The following AMBRA1 variants were observed in gnomAD, a reference collection of about 807,000 sequenced individuals.
AMBRA1 encodes activating molecule in BECN1-regulated autophagy protein 1.
A neutral mutation model predicts 125.4 loss-of-function variants in AMBRA1; 47 were observed. The ratio of observed to expected loss-of-function variants is 0.37; its 90% CI spans 0.30 to 0.48. The LOEUF (loss-of-function observed/expected upper bound fraction) is 0.48. Among genes scored for constraint, AMBRA1 ranks in the 20% least tolerant of loss-of-function variants. The pLI, the probability that AMBRA1 is intolerant of heterozygous loss-of-function variation, is 0.99. For missense variants in AMBRA1, 1,331 were observed against 1,693.4 expected, an observed-to-expected ratio of 0.79 and a Z score of 3.76; for synonymous variants, 626 against 655.5, an observed-to-expected ratio of 0.95 and a Z score of 0.69.
intron 1 of AMBRA1, among the ~76,000 whole-genome samples, chr11:46,549,453 G>A (rs1188534885): frequency 6.6e-6 from 1 of 152,120 alleles, no homozygotes; most frequent in South Asian, 2.1e-4. Flanking sequence ...TCCATGGATA[G>A]AGATATGGTT....
At chr11:46,487,718 A>G (rs1243915872) in intron 11 of AMBRA1, among the ~76,000 whole-genome samples, 4 of 152,202 alleles carry the variant, frequency 2.6e-5, no homozygotes, top group Non-Finnish European at 5.9e-5. Flanking sequence ...GATGATACCC[A>G]TTTAATACAA....
chr11:46,429,828 A>T (rs145316886), intron 14 of AMBRA1, among the ~76,000 whole-genome samples: 104 of 152,252 alleles, frequency 6.8e-4, no homozygotes, highest in Middle Eastern at 3.4e-3. Context: ...AGAATTCAGC[A>T]AAACTTCAGC....
chr11:46,517,847 A>T (rs893509670), intron 7 of AMBRA1, among the ~76,000 whole-genome samples: 5 of 151,430 alleles, frequency 3.3e-5, no homozygotes, highest in Non-Finnish European at 5.9e-5. Flanking sequence ...AAAAAAAAAA[A>T]AATGCCAAAT....
intron 11 of AMBRA1, among the ~76,000 whole-genome samples, chr11:46,461,682 T>C (rs1170272736): frequency 6.6e-6 from 1 of 152,244 alleles, no homozygotes; most frequent in Non-Finnish European, 1.5e-5. Context: ...TCCTGAGTCT[T>C]GATGAATCAA....
At chr11:46,540,996 C>G (rs1246365296) in intron 7 of AMBRA1, among the ~76,000 whole-genome samples, 1 of 152,130 alleles carries the variant, frequency 6.6e-6, no homozygotes, top group Non-Finnish European at 1.5e-5. Context: ...ATTCATATTC[C>G]CACCCTTGTT....
At chr11:46,454,512 G>T (rs1948759248) in intron 11 of AMBRA1, among the ~76,000 whole-genome samples, 1 of 148,282 alleles carries the variant, frequency 6.7e-6, no homozygotes. Flanking sequence ...AAGGCAGGTG[G>T]ATCACGAGGT....
rs577358351 is a variant in AMBRA1, at chr11:46,479,807, A to C, written c.2521+13801T>G. 1.9e-4 allele frequency among the ~76,000 whole-genome samples: 29 copies of C among 152,246 alleles called. 1 individual carries two copies. The South Asian group carries it at 6.0e-3, about 32-fold the overall frequency. The stretch of plus-strand genomic sequence containing the variant: ...AAATAGCCTGCCAAATGCCAGATAC[A>C]TGTGTGAAACTATCTGTTATCAGTT... On this transcript the variant is annotated intron_variant, in intron 11 of 17. Transcript: ENST00000683756.
At chr11:46,492,566 C>A (rs570116295) in intron 11 of AMBRA1, among the ~76,000 whole-genome samples, 6 of 152,264 alleles carry the variant, frequency 3.9e-5, no homozygotes, top group African/African-American at 1.4e-4. Context: ...TATAAGTCGG[C>A]AGTGGAGGTG....
At chr11:46,428,788 T>G (rs553971162) in intron 14 of AMBRA1, 1 of 1,611,354 alleles carries the variant, frequency 6.2e-7, no homozygotes, top group South Asian at 1.1e-5. Flanking sequence ...CTCTGTCAGC[T>G]TCCCCTCTTG....
At chr11:46,520,799 G>T (rs1357490845) in intron 7 of AMBRA1, among the ~76,000 whole-genome samples, 2 of 151,156 alleles carry the variant, frequency 1.3e-5, no homozygotes, top group Non-Finnish European at 3.0e-5. Context: ...TAGAGACGGG[G>T]TTTCACTGTG....
intron 11 of AMBRA1, among the ~76,000 whole-genome samples, chr11:46,470,175 G>A (rs1403500713): frequency 6.6e-6 from 1 of 152,070 alleles, no homozygotes; most frequent in Non-Finnish European, 1.5e-5. Context: ...GGACACCATG[G>A]CTCATGCCTA....
chr11:46,550,563 T>G (rs879120762), intron 1 of AMBRA1, among the ~76,000 whole-genome samples: 1 of 152,240 alleles, frequency 6.6e-6, no homozygotes, highest in African/African-American at 2.4e-5. Context: ...TGTACTTTTT[T>G]AATGGGGGGA....
intron 9 of AMBRA1, among the ~76,000 whole-genome samples, chr11:46,498,937 G>C (rs1408544122): frequency 6.6e-6 from 1 of 152,194 alleles, no homozygotes; most frequent in African/African-American, 2.4e-5. Flanking sequence ...AGTGATCTTG[G>C]TCAACTCATT....
At chr11:46,590,961 C>G (rs150757221) in intron 1 of AMBRA1, among the ~76,000 whole-genome samples, 3,681 of 151,918 alleles carry the variant, frequency 0.024, 71 homozygotes, top group Admixed American at 0.066. Context: ...GAATGAACTT[C>G]TATCACAAAG....
At chr11:46,519,921 C>A (rs1951682868) in intron 7 of AMBRA1, among the ~76,000 whole-genome samples, 1 of 152,230 alleles carries the variant, frequency 6.6e-6, no homozygotes, top group Middle Eastern at 3.4e-3. Context: ...GGGCGGATCA[C>A]CTGAGGTTGG....
At chr11:46,462,199 T>A (rs1949121401) in intron 11 of AMBRA1, among the ~76,000 whole-genome samples, 1 of 152,182 alleles carries the variant, frequency 6.6e-6, no homozygotes, top group Non-Finnish European at 1.5e-5. Context: ...AAGTTAGGGA[T>A]GCGCGTAAAC....
At chr11:46,487,507 T>C (rs896339578) in intron 11 of AMBRA1, among the ~76,000 whole-genome samples, 7 of 152,046 alleles carry the variant, frequency 4.6e-5, no homozygotes, top group East Asian at 3.8e-4. Context: ...AACACCACAT[T>C]GTTGGGTTTG....
chr11:46,449,782 C>T (rs550629740), intron 11 of AMBRA1, among the ~76,000 whole-genome samples: 36 of 152,128 alleles, frequency 2.4e-4, no homozygotes, highest in South Asian at 2.1e-3. Context: ...TAATATAGGC[C>T]GGGCGCAGTG....
chr11:46,562,403 G>A (rs888852538), intron 1 of AMBRA1, among the ~76,000 whole-genome samples: 1 of 152,218 alleles, frequency 6.6e-6, no homozygotes, highest in Non-Finnish European at 1.5e-5. Context: ...AGTGTAATGG[G>A]TTACTATTAG....
Sources: allele counts gnomAD v4.1 joint callset (sites outside exome capture counted in the v4.1 genomes callset), GRCh38; gene constraint gnomAD v4.1.1; transcripts MANE v1.5; gene names NCBI Gene and HGNC (gene_info 2026-07-23, HGNC 2026-07-21).